The following KCTD5 variants were observed in gnomAD, a reference collection of about 807,000 sequenced individuals.
The protein encoded by KCTD5 is potassium channel tetramerization domain containing 5, also known as BTB/POZ domain-containing protein KCTD5.
A neutral mutation model predicts 27.9 loss-of-function variants in KCTD5; 12 were observed. The ratio of observed to expected loss-of-function variants is 0.43; its 90% CI spans 0.28 to 0.70. The LOEUF is 0.70. KCTD5 is among the 30% of genes least tolerant of loss of function. The pLI is 0.19. For missense variants in KCTD5, 226 were observed against 274.8 expected (o/e 0.82, Z 1.26); for synonymous variants, 147 against 121.4 (o/e 1.21, Z -1.39).
At chr16:2,685,422 G>A (rs1303147390) in intron 1 of KCTD5, among the ~76,000 whole-genome samples, 5 of 151,580 alleles carry the variant, frequency 3.3e-5, no homozygotes, top group Non-Finnish European at 1.5e-5. Flanking sequence ...TCGAGACTCT[G>A]TCTCAAAAAA....
At chr16:2,693,298 C>T (rs762029230) in intron 1 of KCTD5, among the ~76,000 whole-genome samples, 27 of 152,232 alleles carry the variant, frequency 1.8e-4, no homozygotes, top group Non-Finnish European at 3.1e-4. Context: ...GCAGGTATCA[C>T]GTGATGGCAG....
At chr16:2,690,330 C>T (rs77212820) in intron 1 of KCTD5, among the ~76,000 whole-genome samples, 4,426 of 152,308 alleles carry the variant, frequency 0.029, 231 homozygotes, top group African/African-American at 0.1. Context: ...GGTTTGGCAA[C>T]TGTCCTGCCC....
chr16:2,705,191 A>G (rs1308844336), intron 5 of KCTD5, among the ~76,000 whole-genome samples: 1 of 152,162 alleles, frequency 6.6e-6, no homozygotes, highest in Non-Finnish European at 1.5e-5. Context: ...TGTGAATGTC[A>G]TGGTGAGCTC....
rs552738697 is a variant in KCTD5, at chr16:2,703,136, T to G, written c.675+658T>G. The stretch of plus-strand genomic sequence containing the variant: ...GAAATGCAGGGACCCCTGCCTCGTT[T>G]GCTTTCAGGTTGGCCCTGTGGCCCT... On this transcript the variant is annotated intron_variant, in intron 5 of 5. Transcript: ENST00000301738. Among the ~76,000 whole-genome samples the G allele has an allele frequency of 1.1e-4, 16 of 152,316 alleles. No homozygotes were observed. The East Asian group carries it at 3.1e-3, about 29-fold the overall frequency.
chr16:2,684,261 A>G (rs1012682005), intron 1 of KCTD5: 3 of 152,038 alleles, frequency 2.0e-5, no homozygotes, highest in East Asian at 3.8e-4. Context: ...ATGGTTGTCT[A>G]TTCAGCACTG....
At chr16:2,704,791 TG>T (rs2067627830) in intron 5 of KCTD5, among the ~76,000 whole-genome samples, 2 of 152,106 alleles carry the variant, frequency 1.3e-5, no homozygotes, top group South Asian at 4.1e-4. Flanking sequence ...GCCAATGCAG[TG>T]GGGTCCACAG....
At chr16:2,707,249 G>T in intron 5 of KCTD5, 49 bp from the exon 6 acceptor site, 1 of 1,595,656 alleles carries the variant, frequency 6.3e-7, no homozygotes, top group South Asian at 1.1e-5. Context: ...CCTGGTCAGG[G>T]ACACCTCCTC....
At position 2,682,563 on chromosome 16, in the gene KCTD5, C is replaced by A. The variant is rs1257361538; in HGVS notation, c.15C>A (p.His5Gln). The change falls in exon 1 of 6, where the codon CAC (histidine) becomes CAA (glutamine). Residue 5 changes from histidine to glutamine, a missense_variant. Transcript: ENST00000301738. Reference protein sequence around the residue: MAENHCELLSPARGG... With the variant: MAENQCELLSPARGG... ...TTGCTGGGATCATGGCGGAGAATCA[C>A]TGCGAGCTCCTGTCGCCGGCCCGGG... 2.8e-6 allele frequency: 4 copies of A among 1,413,666 alleles called. No homozygotes were observed. Among genetic ancestry groups the A allele is most frequent in the Non-Finnish European group, 3.7e-6 (4 of 1,087,918 alleles). The allele number at this position is 1,413,666 out of a possible 1,614,324, so 87.6% of individuals were successfully genotyped here.
chr16:2,699,442 T>A lies in KCTD5; in HGVS notation c.454-379T>A. 1.1e-5 allele frequency: 4 copies of A among 359,042 alleles called. No homozygotes were observed. In the East Asian group the frequency reaches 2.9e-4, roughly 26 times the overall value. The allele number at this position is 359,042 out of a possible 1,614,324, so 22.2% of individuals were successfully genotyped here. On this transcript the variant is annotated intron_variant, in intron 3 of 5. Coordinates refer to ENST00000301738, the MANE Select transcript of KCTD5 (RefSeq NM_018992.4). ...GGAGCGAGCTTCGTCTGGCACTGGC[T>A]CTCAGGGCCCTGCTTGCCAGAGCCT... is the stretch of plus-strand genomic sequence containing the variant.
In KCTD5 at chr16:2,682,536, GC is replaced by G. The variant is rs2067522022; in HGVS notation, c.-12del. The G allele has an allele frequency of 2.9e-6, 4 of 1,397,008 alleles. No individual in the cohort carries two copies. The Admixed American group carries it at 1.2e-4, about 42-fold the overall frequency. The allele number at this position is 1,397,008 out of a possible 1,614,324, so 86.5% of individuals were successfully genotyped here. On this transcript the variant is annotated 5_prime_UTR_variant, in exon 1 of 6. Transcript: ENST00000301738. ...TCCGGTGGAAGGGAGCTGTTGCGGG[GC>G]TTGCTGGGATCATGGCGGAGAATCA... is the stretch of plus-strand genomic sequence containing the variant.
chr16:2,704,259 G>A (rs3094470), intron 5 of KCTD5, among the ~76,000 whole-genome samples: 42,552 of 152,242 alleles, frequency 0.28, 6,570 homozygotes, highest in Non-Finnish European at 0.33. Flanking sequence ...GGGGGATTGC[G>A]GGGGCCAGAG....
intron 2 of KCTD5, 82 bp from the exon 3 acceptor site, chr16:2,697,824 G>C: frequency 1.0e-6 from 1 of 981,068 alleles, no homozygotes; most frequent in Non-Finnish European, 1.6e-6. Flanking sequence ...AGGGGCAGGG[G>C]CAAGGGCAGG....
chr16:2,698,007 A>G lies in KCTD5; in HGVS notation c.453+10A>G, dbSNP rs928092698. ...CAGCAAAACATCGCAGGTGAGACAA[A>G]TGACTGAGGCTGGAAGCTTGTATGG... On this transcript the variant is annotated intron_variant, in intron 3 of 5. Transcript: ENST00000301738. The G allele has an allele frequency of 1.3e-6, 2 of 1,592,882 alleles. No homozygotes were observed. The highest frequency in any genetic ancestry group is 8.6e-7 in the Non-Finnish European group (1 of 1,161,038).
At chr16:2,692,754 C>G (rs1355363119) in intron 1 of KCTD5, among the ~76,000 whole-genome samples, 1 of 152,252 alleles carries the variant, frequency 6.6e-6, no homozygotes, top group East Asian at 1.9e-4. Flanking sequence ...CTATCTGCCT[C>G]CTGCTGCCAT....
At chr16:2,701,337 TGTCCCGGCTGTGGGGTGG>T (rs1358320749) in intron 4 of KCTD5, among the ~76,000 whole-genome samples, 1 of 152,228 alleles carries the variant, frequency 6.6e-6, no homozygotes, top group African/African-American at 2.4e-5. Context: ...GCTGACCAGC[TGTCCCGGCTGTGGGGTGG>T]GACCCTGCGG....
Position 2,682,570 on chromosome 16 carries a change from C to T in KCTD5, c.22C>T (p.Leu8Phe), listed in dbSNP as rs769878868. 2.8e-6 allele frequency: 4 copies of T among 1,414,468 alleles called. No individual in the cohort carries two copies. The highest frequency in any genetic ancestry group is 3.7e-6 in the Non-Finnish European group (4 of 1,088,300). 87.6% of individuals were successfully genotyped at this position (1,414,468 alleles called of 1,614,324 possible). A position where few individuals can be genotyped will look rare whatever the true frequency, so the allele number is the denominator to read the frequency against. ...GATCATGGCGGAGAATCACTGCGAG[C>T]TCCTGTCGCCGGCCCGGGGCGGCAT... MAENHCE[L>F]LSPARGGIGA... Residue 8 changes from leucine to phenylalanine, a missense_variant, in exon 1 of 6, where the codon CTC becomes TTC. By Grantham distance (22) the Leu-to-Phe change is conservative. This residue lies in a region of KCTD5 where 91 missense variants were observed against 67.8 expected (regional missense o/e 1.34). Transcript: ENST00000301738.
intron 5 of KCTD5, among the ~76,000 whole-genome samples, chr16:2,706,051 C>T (rs1298168933): frequency 2.0e-5 from 3 of 152,190 alleles, no homozygotes; most frequent in African/African-American, 7.2e-5. Context: ...TGGGAATCAC[C>T]CTGGCCCAGG....
rs2067521983 is a variant in KCTD5 at position 2,682,535 on chromosome 16, G to T, written c.-14G>T. ...TTCCGGTGGAAGGGAGCTGTTGCGG[G>T]GCTTGCTGGGATCATGGCGGAGAAT... On this transcript the variant is annotated 5_prime_UTR_variant, in exon 1 of 6. Coordinates refer to ENST00000301738, the MANE Select transcript of KCTD5 (RefSeq NM_018992.4). 2.9e-6 allele frequency: 4 copies of T among 1,396,780 alleles called. No individual in the cohort carries two copies. The highest frequency in any genetic ancestry group is 3.7e-6 in the Non-Finnish European group (4 of 1,077,542). The allele number at this position is 1,396,780 out of a possible 1,614,324, so 86.5% of individuals were successfully genotyped here.
chr16:2,704,571 A>C (rs1567196670), intron 5 of KCTD5, among the ~76,000 whole-genome samples: 1 of 152,238 alleles, frequency 6.6e-6, no homozygotes, highest in Non-Finnish European at 1.5e-5. Flanking sequence ...TTTATTCCCA[A>C]GGAACAGAGA....
Sources: allele counts gnomAD v4.1 joint callset (sites outside exome capture counted in the v4.1 genomes callset), GRCh38; gene constraint gnomAD v4.1.1; regional missense constraint gnomAD v4.1.1; transcripts MANE v1.5; gene names NCBI Gene and HGNC (gene_info 2026-07-23, HGNC 2026-07-21).